Variants in KIF3A observed in about 807,000 individuals in gnomAD.
The protein encoded by KIF3A is kinesin family member 3A.
Under a neutral mutation model 92.6 loss-of-function variants are expected in KIF3A, and 27 were observed. That is an observed-to-expected ratio of 0.29 (90% CI 0.21 to 0.40). The LOEUF (loss-of-function observed/expected upper bound fraction) is 0.40. Among genes scored for constraint, KIF3A ranks in the 10% least tolerant of loss-of-function variants. KIF3A has a pLI of 1.00. For synonymous variants in KIF3A, 250 were observed against 275.4 expected (o/e 0.91, Z 0.92); for missense variants, 581 against 872.6 (o/e 0.67, Z 4.21).
intron 5 of KIF3A, among the ~76,000 whole-genome samples, chr5:132,719,393 G>GA (rs1753749911): frequency 6.6e-6 from 1 of 152,016 alleles, no homozygotes; most frequent in Non-Finnish European, 1.5e-5. Context: ...ATTGATTTTT[G>GA]AAGTTTTGTT....
At chr5:132,698,967 A>C (rs939699658) in intron 18 of KIF3A, among the ~76,000 whole-genome samples, 1 of 152,106 alleles carries the variant, frequency 6.6e-6, no homozygotes, top group Admixed American at 6.5e-5. Context: ...CAAACTCCTG[A>C]CCTCAAATGA....
rs781350934 is a variant in KIF3A, at chr5:132,720,709, T to C, written c.516A>G (p.Lys172=). 4 of 1,582,630 alleles carry C rather than the reference T, an allele frequency of 2.5e-6. No individual in the cohort carries two copies. In the African/African-American group the frequency reaches 4.1e-5, roughly 16 times the overall value. ...GKDQTQRLEV[K]ERPDVGVYIK... ...TATAAACTCCCACATCAGGTCTTTC[T>C]TTAACCTAAAAAAAAATTAAGACTT... Residue 172 remains lysine (K), a synonymous_variant, in exon 5 of 19, where the codon AAA becomes AAG. Transcript: ENST00000403231.
At chr5:132,711,288 A>G (rs1034775619) in intron 8 of KIF3A, among the ~76,000 whole-genome samples, 6 of 152,108 alleles carry the variant, frequency 3.9e-5, no homozygotes, top group Non-Finnish European at 7.4e-5. Flanking sequence ...ATTCTGACCC[A>G]CTTAAAATTT....
rs1309464503 is a variant in KIF3A, at chr5:132,723,441, C to T, written c.510+2687G>A. ...TAACCAAAACAGCATGGTACTGGTA[C>T]CAAAACAGAGATATAGATCAATGCA... On this transcript the variant is annotated intron_variant, in intron 4 of 18. Coordinates refer to ENST00000403231, the MANE Select transcript of KIF3A (RefSeq NM_001300791.2). The T allele has an allele frequency of 2.6e-5, 4 of 152,212 alleles. No homozygotes were observed. The South Asian group carries it at 8.3e-4, about 32-fold the overall frequency. The allele number at this position is 152,212 out of a possible 1,614,324, so 9.4% of individuals were successfully genotyped here.
rs1276465905 is a variant in KIF3A, at chr5:132,708,830, G to A, written c.1300+77C>T. On this transcript the variant is annotated intron_variant, in intron 10 of 18. Coordinates refer to ENST00000403231, the MANE Select transcript of KIF3A (RefSeq NM_001300791.2). ...TCTTTAGGTAATGACAGGGAGTGGT[G>A]CAGCATTGCTCAAATGAAGCCCATG... 2.8e-5 allele frequency: 26 copies of A among 916,618 alleles called. No homozygotes were observed. In the East Asian group the frequency reaches 6.6e-4, roughly 23 times the overall value. 56.8% of individuals were successfully genotyped at this position (916,618 alleles called of 1,614,324 possible). A position where few individuals can be genotyped will look rare whatever the true frequency, so the allele number is the denominator to read the frequency against.
At chr5:132,735,848 C>T (rs1754372814) in intron 1 of KIF3A, among the ~76,000 whole-genome samples, 1 of 152,236 alleles carries the variant, frequency 6.6e-6, no homozygotes, top group South Asian at 2.1e-4. Flanking sequence ...CCACCCACGT[C>T]TGCTTCACTG....
At chr5:132,730,272 G>C (rs911389848) in intron 2 of KIF3A, among the ~76,000 whole-genome samples, 3 of 152,002 alleles carry the variant, frequency 2.0e-5, no homozygotes, top group African/African-American at 7.3e-5. Context: ...TTTGAGACCA[G>C]CCTGGCCAAT....
At chr5:132,702,482 T>C in intron 14 of KIF3A, 76 bp downstream of exon 14, 1 of 840,338 alleles carries the variant, frequency 1.2e-6, no homozygotes, top group Non-Finnish European at 1.9e-6. Context: ...TATGATTATT[T>C]ATAAATTCTT....
intron 5 of KIF3A, among the ~76,000 whole-genome samples, chr5:132,718,159 A>G (rs1753697181): frequency 6.6e-6 from 1 of 152,202 alleles, no homozygotes; most frequent in Admixed American, 6.5e-5. Flanking sequence ...ACACTGCCCA[A>G]ATAAATATAT....
Position 132,726,224 on chromosome 5 carries a change from C to A in KIF3A, c.426-12G>T. The A allele has an allele frequency of 1.3e-6, 2 of 1,596,718 alleles. No homozygotes were observed. Among genetic ancestry groups the A allele is most frequent in the Non-Finnish European group, 1.7e-6 (2 of 1,171,050 alleles). ...CTCGAACCAAAAATCTATAAAACAT[C>A]ATTTTTAAAAAGTCAAAGAGTGAAA... On this transcript the variant is annotated splice_polypyrimidine_tract_variant and intron_variant, in intron 3 of 18. Transcript: ENST00000403231.
At chr5:132,718,202 G>T (rs1028568735) in intron 5 of KIF3A, among the ~76,000 whole-genome samples, 1 of 152,042 alleles carries the variant, frequency 6.6e-6, no homozygotes, top group South Asian at 2.1e-4. Context: ...AAATAAATGG[G>T]GTAAGGCAGT....
intron 2 of KIF3A, among the ~76,000 whole-genome samples, chr5:132,729,824 CA>C (rs1439620210): frequency 6.6e-5 from 10 of 151,524 alleles, no homozygotes; most frequent in African/African-American, 2.4e-4. Context: ...CCTCAGCTTC[CA>C]CTTTAAGTAG....
downstream of KIF3A, chr5:132,692,473 A>G (rs2149886520): frequency 6.6e-6 from 1 of 152,376 alleles, no homozygotes; most frequent in African/African-American, 2.4e-5. Flanking sequence ...ATTTCTGCTT[A>G]AAAGACCCAC....
intron 5 of KIF3A, 94 bp downstream of exon 5, chr5:132,720,515 C>A: frequency 1.6e-6 from 1 of 626,040 alleles, no homozygotes; most frequent in Non-Finnish European, 2.8e-6. Flanking sequence ...CTAAAAAATC[C>A]AGTCTCTACA....
intron 1 of KIF3A, among the ~76,000 whole-genome samples, chr5:132,735,372 G>A (rs963678949): frequency 6.6e-6 from 1 of 152,144 alleles, no homozygotes; most frequent in Admixed American, 6.5e-5. Context: ...ACCGCACCCC[G>A]TCATTTCTGA....
intron 1 of KIF3A, 57 bp from the exon 2 acceptor site, chr5:132,734,535 G>C: frequency 6.7e-7 from 1 of 1,487,990 alleles, no homozygotes; most frequent in Middle Eastern, 2.2e-4. Flanking sequence ...ACCCTCATCA[G>C]ATTAAATTTA....
intron 4 of KIF3A, chr5:132,723,623 T>C (rs1753901615): frequency 6.6e-6 from 1 of 152,192 alleles, no homozygotes; most frequent in Admixed American, 6.5e-5. Context: ...CTGGATTCCT[T>C]CCTTACACCT....
chr5:132,716,478 T>G (rs1340796124), intron 6 of KIF3A, 36 bp from the exon 7 acceptor site: 1 of 1,544,070 alleles, frequency 6.5e-7, no homozygotes, highest in South Asian at 1.2e-5. Context: ...AAGCTAAAAT[T>G]TTTTTAAAAA....
intron 2 of KIF3A, among the ~76,000 whole-genome samples, chr5:132,730,796 G>GAAA (rs1342478360): frequency 6.6e-6 from 1 of 151,092 alleles, no homozygotes; most frequent in Non-Finnish European, 1.5e-5. Context: ...CCTGTTTCAA[G>GAAA]AAAAAAATAA....
Sources: allele counts gnomAD v4.1 joint callset (sites outside exome capture counted in the v4.1 genomes callset), GRCh38; gene constraint gnomAD v4.1.1; transcripts MANE v1.5; gene names NCBI Gene and HGNC (gene_info 2026-07-23, HGNC 2026-07-21).